The following B3GALT1 variants were observed in gnomAD, a reference collection of about 807,000 sequenced individuals.
The protein encoded by B3GALT1 is beta-1,3-galactosyltransferase 1, also known as UDP-Gal:betaGlcNAc beta 1,3-galactosyltransferase, polypeptide 1.
In B3GALT1, 10 loss-of-function variants were observed where a neutral mutation model predicts 23.2. The ratio of observed to expected loss-of-function variants is 0.43; its 90% CI spans 0.27 to 0.73. The LOEUF (loss-of-function observed/expected upper bound fraction) is 0.73. Among genes scored for constraint, B3GALT1 ranks in the 30% least tolerant of loss-of-function variants. The pLI, the probability that B3GALT1 is intolerant of heterozygous loss-of-function variation, is 0.21. For synonymous variants in B3GALT1, 156 were observed against 141.5 expected (o/e 1.10, Z -0.73); for missense variants, 299 against 405.4 (o/e 0.74, Z 2.25).
chr2:167,651,762 A>G (rs1341222567), intron 3 of B3GALT1, among the ~76,000 whole-genome samples: 2 of 152,164 alleles, frequency 1.3e-5, no homozygotes, highest in Non-Finnish European at 2.9e-5. Context: ...CAGTTGAACA[A>G]CAGTTGAAGG....
intron 2 of B3GALT1, among the ~76,000 whole-genome samples, chr2:167,539,256 AT>A (rs1358936247): frequency 2.7e-5 from 4 of 150,766 alleles, no homozygotes; most frequent in African/African-American, 7.4e-5. Context: ...TTCTTTTTCT[AT>A]TTAAAAAAAA....
intron 1 of B3GALT1, among the ~76,000 whole-genome samples, chr2:167,328,323 A>G (rs922433619): frequency 5.9e-5 from 9 of 152,220 alleles, no homozygotes; most frequent in African/African-American, 2.2e-4. Context: ...TACGTTTGGT[A>G]GAATTTGGCA....
intron 2 of B3GALT1, among the ~76,000 whole-genome samples, chr2:167,591,619 G>A (rs1558917615): frequency 6.6e-6 from 1 of 152,016 alleles, no homozygotes; most frequent in Non-Finnish European, 1.5e-5. Context: ...ACAGGTGCAT[G>A]CAACCAAAAT....
intron 1 of B3GALT1, among the ~76,000 whole-genome samples, chr2:167,403,388 T>C (rs1698225308): frequency 6.6e-6 from 1 of 152,022 alleles, no homozygotes; most frequent in Non-Finnish European, 1.5e-5. Flanking sequence ...TCCCATGGTG[T>C]GTATGTGCCA....
intron 1 of B3GALT1, among the ~76,000 whole-genome samples, chr2:167,458,207 T>C (rs910322004): frequency 2.6e-5 from 4 of 152,220 alleles, no homozygotes; most frequent in Non-Finnish European, 4.4e-5. Context: ...TGGAATCTTA[T>C]AGTATTTGTC....
chr2:167,809,702 G>A (rs563438718), intron 3 of B3GALT1, among the ~76,000 whole-genome samples: 1 of 152,318 alleles, frequency 6.6e-6, no homozygotes, highest in South Asian at 2.1e-4. Context: ...CTACTGGGGG[G>A]TGCCTCCCAG....
At position 167,745,870 on chromosome 2, in the gene B3GALT1, TCTC is replaced by T. The variant is rs757747069; in HGVS notation, c.-351-72798_-351-72796del. On this transcript the variant is annotated intron_variant, in intron 3 of 4. Coordinates refer to ENST00000392690, the MANE Select transcript of B3GALT1 (RefSeq NM_020981.4). The stretch of plus-strand genomic sequence containing the variant: ...TTAATTATTGAACTTAAATATCATA[TCTC>T]CTCTGTTATCTCTAGTCTGTCTTAC... 3.9e-5 allele frequency among the ~76,000 whole-genome samples: 6 copies of T among 152,198 alleles called. No individual in the cohort carries two copies. In the East Asian group the frequency reaches 9.6e-4, roughly 24 times the overall value.
intron 3 of B3GALT1, among the ~76,000 whole-genome samples, chr2:167,818,171 T>C (rs1370206341): frequency 6.6e-6 from 1 of 152,248 alleles, no homozygotes; most frequent in Non-Finnish European, 1.5e-5. Flanking sequence ...CAGTTTTGTT[T>C]TATTTTTAAA....
At chr2:167,341,662 A>T (rs1697148868) in intron 1 of B3GALT1, among the ~76,000 whole-genome samples, 1 of 151,310 alleles carries the variant, frequency 6.6e-6, no homozygotes, top group African/African-American at 2.4e-5. Context: ...ACTGCATCTC[A>T]AAAACAAAAA....
intron 2 of B3GALT1, among the ~76,000 whole-genome samples, chr2:167,565,909 T>G (rs566760053): frequency 1.8e-4 from 28 of 152,052 alleles, no homozygotes; most frequent in Non-Finnish European, 3.1e-4. Flanking sequence ...GGTGGGACTG[T>G]AAACTAGTTC....
At chr2:167,367,186 A>G (rs1697602145) in intron 1 of B3GALT1, among the ~76,000 whole-genome samples, 1 of 152,236 alleles carries the variant, frequency 6.6e-6, no homozygotes, top group African/African-American at 2.4e-5. Flanking sequence ...GTATTTACAA[A>G]GATAAATTTA....
chr2:167,368,223 T>C (rs1229098507), intron 1 of B3GALT1, among the ~76,000 whole-genome samples: 2 of 152,220 alleles, frequency 1.3e-5, no homozygotes, highest in African/African-American at 2.4e-5. Flanking sequence ...AGTGTGTGAC[T>C]GGAGTGCTCA....
chr2:167,557,925 A>G (rs1683882882), intron 2 of B3GALT1, among the ~76,000 whole-genome samples: 2 of 152,308 alleles, frequency 1.3e-5, no homozygotes, highest in Admixed American at 6.5e-5. Context: ...TTTCATCTAC[A>G]TTGCCCATTC....
At chr2:167,756,651 G>A (rs947218041) in intron 3 of B3GALT1, among the ~76,000 whole-genome samples, 4 of 152,174 alleles carry the variant, frequency 2.6e-5, no homozygotes, top group Admixed American at 6.5e-5. Context: ...AAGCTTCCGG[G>A]GGTGGATAAT....
chr2:167,316,856 T>C (rs868111148), intron 1 of B3GALT1, among the ~76,000 whole-genome samples: 19 of 152,030 alleles, frequency 1.2e-4, no homozygotes, highest in African/African-American at 4.3e-4. Context: ...TGTCACAGGG[T>C]CTGATTTTGA....
intron 3 of B3GALT1, among the ~76,000 whole-genome samples, chr2:167,737,357 C>A (rs1469540339): frequency 1.3e-5 from 2 of 152,200 alleles, no homozygotes; most frequent in Admixed American, 6.5e-5. Flanking sequence ...GACTACAAAG[C>A]CTGAGCTCTT....
At chr2:167,650,532 T>C (rs1406417028) in intron 3 of B3GALT1, among the ~76,000 whole-genome samples, 1 of 151,934 alleles carries the variant, frequency 6.6e-6, no homozygotes, top group Non-Finnish European at 1.5e-5. Flanking sequence ...CAAGATAATG[T>C]TGACCTCATA....
chr2:167,435,462 A>AG (rs1698770073), intron 1 of B3GALT1, among the ~76,000 whole-genome samples: 2 of 138,066 alleles, frequency 1.4e-5, no homozygotes, highest in Admixed American at 7.2e-5. Flanking sequence ...AAAAAAAAAA[A>AG]GCAGAGAAAT....
intron 3 of B3GALT1, among the ~76,000 whole-genome samples, chr2:167,679,689 A>G (rs1686494059): frequency 6.6e-6 from 1 of 152,228 alleles, no homozygotes; most frequent in Non-Finnish European, 1.5e-5. Context: ...TACTAACTGA[A>G]TGACAGTGAG....
Sources: allele counts gnomAD v4.1 joint callset (sites outside exome capture counted in the v4.1 genomes callset), GRCh38; gene constraint gnomAD v4.1.1; transcripts MANE v1.5; gene names NCBI Gene and HGNC (gene_info 2026-07-23, HGNC 2026-07-21).